Variants in POLR1A observed in about 807,000 individuals in gnomAD.
POLR1A encodes the protein DNA-directed RNA polymerase I subunit RPA1.
In POLR1A, 84 loss-of-function variants were observed where a neutral mutation model predicts 205.3. That is an observed-to-expected ratio of 0.41 (90% CI 0.34 to 0.49). POLR1A has a LOEUF of 0.49. Among genes scored for constraint, POLR1A ranks in the 20% least tolerant of loss-of-function variants. The pLI is 0.22. For synonymous variants in POLR1A, 799 were observed against 863.7 expected, an observed-to-expected ratio of 0.93 and a Z score of 1.31; for missense variants, 1,645 against 2,204.5, an observed-to-expected ratio of 0.75 and a Z score of 5.08.
Position 86,028,788 on chromosome 2 carries a change from C to T in POLR1A, c.4780-77G>A, listed in dbSNP as rs754678136. 26 of 1,022,894 alleles carry T rather than the reference C, an allele frequency of 2.5e-5. No individual in the cohort carries two copies. Among genetic ancestry groups the T allele is most frequent in the Non-Finnish European group, 3.6e-5 (24 of 659,150 alleles). The allele number at this position is 1,022,894 out of a possible 1,614,324, so 63.4% of individuals were successfully genotyped here. ...TTCTGCCTGCGTATCTCCCCCTGGCCGCTCTCTCTCTCCTTGTGTCTGGCA... is the reference window on the plus strand; with the variant it reads ...TTCTGCCTGCGTATCTCCCCCTGGCTGCTCTCTCTCTCCTTGTGTCTGGCA... On this transcript the variant is annotated intron_variant, in intron 31 of 33. Coordinates refer to ENST00000263857, the MANE Select transcript of POLR1A (RefSeq NM_015425.6). This position sits in a 1 kb window ranked among gnomAD's most constrained non-coding sequence, Gnocchi z 4.5.
At chr2:86,073,274 C>G (rs1206527026) in intron 12 of POLR1A, among the ~76,000 whole-genome samples, 1 of 151,902 alleles carries the variant, frequency 6.6e-6, no homozygotes, top group Non-Finnish European at 1.5e-5. Context: ...GGCTGGCCAC[C>G]TGCTTCTGTA....
At chr2:86,085,677 A>G (rs766235656) in intron 6 of POLR1A, among the ~76,000 whole-genome samples, 4 of 152,206 alleles carry the variant, frequency 2.6e-5, no homozygotes, top group African/African-American at 4.8e-5. Flanking sequence ...TTCTTCAATC[A>G]CAGGATCTTA....
At chr2:86,100,716 T>A (rs1219837022) in intron 1 of POLR1A, among the ~76,000 whole-genome samples, 1 of 151,998 alleles carries the variant, frequency 6.6e-6, no homozygotes, top group Non-Finnish European at 1.5e-5. Flanking sequence ...CGATTAATAT[T>A]TTTTTGTAGA....
At chr2:86,033,863 C>G in intron 27 of POLR1A, 76 bp from the exon 28 acceptor site, 2 of 1,550,932 alleles carry the variant, frequency 1.3e-6, no homozygotes, top group East Asian at 4.5e-5. Flanking sequence ...GGGGATAGGA[C>G]GCTGAGGGAT....
At position 86,052,862 on chromosome 2, in the gene POLR1A, G is replaced by A. The variant is rs367827992; in HGVS notation, c.2347C>T (p.Arg783Cys). The A allele has an allele frequency of 3.1e-6, 5 of 1,594,642 alleles. No homozygotes were observed. Among genetic ancestry groups the A allele is most frequent in the African/African-American group, 2.7e-5 (2 of 73,852 alleles). ...AGCTGCAGGTAGGCGGTGAAGAGGCGGGCCAGGCAGGTTAGAACCTTGCCG... is the reference window on the plus strand; with the variant it reads ...AGCTGCAGGTAGGCGGTGAAGAGGCAGGCCAGGCAGGTTAGAACCTTGCCG... ...TSGKVLTCLA[R>C]LFTAYLQLYR... is the part of the protein sequence containing the mutation. The change falls in exon 16 of 34, where the codon CGC becomes TGC. Residue 783 changes from arginine to cysteine, a missense_variant. By Grantham distance (180) the Arg-to-Cys change is radical. Around this residue, in one of 16 missense-constraint regions of POLR1A, gnomAD observed 339 missense variants for 415.1 expected, o/e 0.82. Coordinates refer to ENST00000263857, the MANE Select transcript of POLR1A (RefSeq NM_015425.6).
intron 14 of POLR1A, among the ~76,000 whole-genome samples, chr2:86,057,289 A>T (rs1201278684): frequency 6.6e-6 from 1 of 152,226 alleles, no homozygotes. Flanking sequence ...AGAATCTATA[A>T]AGGAAAAAAA....
chr2:86,048,552 C>T (rs1672745969), intron 18 of POLR1A, among the ~76,000 whole-genome samples: 1 of 152,244 alleles, frequency 6.6e-6, no homozygotes, highest in African/African-American at 2.4e-5. Flanking sequence ...CCAGGGCGAT[C>T]CGGGTCCCTC....
intron 18 of POLR1A, 84 bp from the exon 19 acceptor site, chr2:86,047,347 G>A (rs1672727734): frequency 4.5e-6 from 4 of 879,736 alleles, no homozygotes; most frequent in South Asian, 1.4e-5. Context: ...GGAAGCAGAA[G>A]CAATACAGCC....
In POLR1A at chr2:86,052,915, C is replaced by A. The variant is rs1672830344; in HGVS notation, c.2294G>T (p.Cys765Phe). ...GSSAYGLVHC[C>F]YEIYGGETSG... The stretch of plus-strand genomic sequence containing the variant: ...GGTCTCGCCTCCATAGATCTCATAG[C>A]AGCAGTGGACCAGGCCGTAGGCGGA... Residue 765 changes from cysteine to phenylalanine, a missense_variant, in exon 16 of 34, where the codon TGC becomes TTC. Transcript: ENST00000263857. 2 of 1,609,660 alleles carry A rather than the reference C, an allele frequency of 1.2e-6. No homozygotes were observed. Among genetic ancestry groups the A allele is most frequent in the Admixed American group, 3.4e-5 (2 of 59,610 alleles).
At position 86,070,261 on chromosome 2, in the gene POLR1A, A is replaced by G. The variant is rs1200742063; in HGVS notation, c.1623T>C (p.His541=). 1.2e-6 allele frequency: 2 copies of G among 1,609,392 alleles called. No homozygotes were observed. The highest frequency in any genetic ancestry group is 1.3e-5 in the African/African-American group (1 of 74,986). ...GTAGCAGAATGTCCCCATTCTTCAC[A>G]TGCCGGCACACCTGGGAACAGAGTG... The part of the protein sequence containing the change: ...KPQGTKIVCR[H]VKNGDILLLN... The change falls in exon 13 of 34, where the codon CAT becomes CAC. Residue 541 remains histidine (H), a synonymous_variant. Transcript: ENST00000263857. The surrounding 1 kb of genome is among the most constrained non-coding windows in gnomAD (Gnocchi z 4.4).
In POLR1A at chr2:86,081,625, T is replaced by C. The variant is rs1673403104; in HGVS notation, c.899A>G (p.Asp300Gly). 1.2e-6 allele frequency: 2 copies of C among 1,606,446 alleles called. No homozygotes were observed. Among genetic ancestry groups the C allele is most frequent in the African/African-American group, 2.7e-5 (2 of 74,006 alleles). Residue 300 changes from aspartate to glycine, a missense_variant, in exon 8 of 34, where the codon GAT becomes GGT. Physicochemically the swap from Asp to Gly is moderately conservative, Grantham distance 94. Around this residue, in one of 16 missense-constraint regions of POLR1A, gnomAD observed 330 missense variants for 375.6 expected, o/e 0.88. Transcript: ENST00000263857. The part of the protein sequence containing the change: ...SRFNPSVFFL[D>G]FLVVPPSRYR... ...CCTTGAGGGCGGCACCACCAAGAAA[T>C]CTAGAAAGAACACACTGGGATTGAA...
chr2:86,051,858 G>A (rs1160655356), intron 16 of POLR1A, among the ~76,000 whole-genome samples: 1 of 152,226 alleles, frequency 6.6e-6, no homozygotes, highest in African/African-American at 2.4e-5. Context: ...CATTTCTGGG[G>A]TGCAAACAAG....
intron 18 of POLR1A, 126 bp downstream of exon 18, chr2:86,048,758 A>T (rs1672749608): frequency 1.2e-6 from 1 of 814,126 alleles, no homozygotes; most frequent in South Asian, 1.7e-5. Context: ...CCCACCTCGC[A>T]TCTCACCTAG....
Position 86,081,587 on chromosome 2 carries a change from T to C in POLR1A, c.923+14A>G. ...CTTTTTTTCAGGTGAAATAAGTTAATTAAAGGGTATTACCTTGAGGGCGGC... is the reference window on the plus strand; with the variant it reads ...CTTTTTTTCAGGTGAAATAAGTTAACTAAAGGGTATTACCTTGAGGGCGGC... On this transcript the variant is annotated intron_variant, in intron 8 of 33. Transcript: ENST00000263857. 2 of 1,495,182 alleles carry C rather than the reference T, an allele frequency of 1.3e-6. No homozygotes were observed. Among genetic ancestry groups the C allele is most frequent in the Non-Finnish European group, 1.8e-6 (2 of 1,086,856 alleles). 92.6% of individuals were successfully genotyped at this position (1,495,182 alleles called of 1,614,324 possible). A position where few individuals can be genotyped will look rare whatever the true frequency, so the allele number is the denominator to read the frequency against.
intron 13 of POLR1A, among the ~76,000 whole-genome samples, chr2:86,067,621 C>T (rs1454481988): frequency 6.6e-6 from 1 of 151,934 alleles, no homozygotes; most frequent in Non-Finnish European, 1.5e-5. Context: ...GGAAGATAAC[C>T]TGGTAATAGA....
At chr2:86,042,652 G>A (rs1672634334) in intron 23 of POLR1A, among the ~76,000 whole-genome samples, 1 of 152,186 alleles carries the variant, frequency 6.6e-6, no homozygotes, top group Non-Finnish European at 1.5e-5. Context: ...CCTCTAGTGG[G>A]TCTCTACCCA....
chr2:86,032,464 T>C, intron 28 of POLR1A, 82 bp from the exon 29 acceptor site: 1 of 928,404 alleles, frequency 1.1e-6, no homozygotes, highest in Admixed American at 1.8e-5. Flanking sequence ...CACCAACCCA[T>C]CCATCCATCC....
rs1035293222 is a variant in POLR1A at position 86,053,078 on chromosome 2, T to C, written c.2209-78A>G. 7 of 1,089,278 alleles carry C rather than the reference T, an allele frequency of 6.4e-6. No homozygotes were observed. The African/African-American group carries it at 9.7e-5, about 15-fold the overall frequency. The allele number at this position is 1,089,278 out of a possible 1,614,324, so 67.5% of individuals were successfully genotyped here. On this transcript the variant is annotated intron_variant, in intron 15 of 33. Coordinates refer to ENST00000263857, the MANE Select transcript of POLR1A (RefSeq NM_015425.6). ...AGTCACCCACCCTCTACTCCATGTGTGACCCTCGTTGTGCAAGTCCCTCTA... is the reference window on the plus strand; with the variant it reads ...AGTCACCCACCCTCTACTCCATGTGCGACCCTCGTTGTGCAAGTCCCTCTA...
At chr2:86,052,532 C>G (rs1018938188) in intron 16 of POLR1A, among the ~76,000 whole-genome samples, 2 of 152,086 alleles carry the variant, frequency 1.3e-5, no homozygotes, top group African/African-American at 4.8e-5. Flanking sequence ...AGCTCCTTCC[C>G]GAGAGGACAC....
Sources: allele counts gnomAD v4.1 joint callset (sites outside exome capture counted in the v4.1 genomes callset), GRCh38; gene constraint gnomAD v4.1.1; regional missense constraint gnomAD v4.1.1; non-coding constraint Gnocchi (gnomAD v3.1); transcripts MANE v1.5; gene names NCBI Gene and HGNC (gene_info 2026-07-23, HGNC 2026-07-21).